NKIRAS1: variants seen among roughly 807,000 people sequenced by gnomAD.
NKIRAS1 encodes NFKB inhibitor interacting Ras like 1, also known as NF-kappa-B inhibitor-interacting Ras-like protein 1.
NKIRAS1 carries 16 observed loss-of-function variants against 19.8 expected under a neutral mutation model. That is an observed-to-expected ratio of 0.81 (90% CI 0.55 to 1.23). The LOEUF (loss-of-function observed/expected upper bound fraction) is 1.23. NKIRAS1 is among the 50% of genes most tolerant of loss of function. The probability of loss-of-function intolerance (pLI) is 0.00; values close to 1 mark genes in which losing one functional copy is unlikely to be tolerated. For missense variants in NKIRAS1, 184 were observed against 220.0 expected (o/e 0.84, Z 1.04); for synonymous variants, 88 against 79.0 (o/e 1.11, Z -0.61).
chr3:23,900,641 C>CAAAAAAA (rs57762803), intron 4 of NKIRAS1, among the ~76,000 whole-genome samples, 167 bp downstream of exon 4: 7 of 113,202 alleles, frequency 6.2e-5, no homozygotes, highest in East Asian at 2.8e-4. Flanking sequence ...GACTCCGTCT[C>CAAAAAAA]AAAAAAAAAA....
At chr3:23,919,027 C>T, upstream of NKIRAS1, 1 of 614,090 alleles carries the variant, frequency 1.6e-6, no homozygotes, top group East Asian at 2.7e-5. Flanking sequence ...AGCAAGTCTA[C>T]ATTATCTCAT....
rs1345311887 is a variant in NKIRAS1 at position 23,891,692 on chromosome 3, C to T, written c.*1403G>A. 1 of 152,114 alleles carries T rather than the reference C, an allele frequency of 6.6e-6. No homozygotes were observed. The highest frequency in any genetic ancestry group is 1.5e-5 in the Non-Finnish European group (1 of 68,022). 9.4% of individuals were successfully genotyped at this position (152,114 alleles called of 1,614,324 possible). Reference sequence around the variant, plus strand: ...CAGTTCTGTTTCTGTATGTCTCTTTCAGAGAAACTTATCTGGATACACATA... The same window carrying T: ...CAGTTCTGTTTCTGTATGTCTCTTTTAGAGAAACTTATCTGGATACACATA... On this transcript the variant is annotated 3_prime_UTR_variant, in exon 5 of 5. Transcript: ENST00000425478.
chr3:23,932,917 A>C (rs1705341864), intron 1 of NKIRAS1, among the ~76,000 whole-genome samples: 2 of 152,144 alleles, frequency 1.3e-5, no homozygotes, highest in South Asian at 4.1e-4. Flanking sequence ...TGGCCCCTCC[A>C]ATGATGTCCA....
chr3:23,918,681 TAA>T (rs1273819853), upstream of NKIRAS1: 17 of 1,338,572 alleles, frequency 1.3e-5, no homozygotes, highest in Non-Finnish European at 1.6e-5. Context: ...GTCTCGTATA[TAA>T]AACAGGGTTT....
chr3:23,929,177 C>T (rs971471142), intron 1 of NKIRAS1, among the ~76,000 whole-genome samples: 3 of 151,720 alleles, frequency 2.0e-5, no homozygotes, highest in Admixed American at 6.6e-5. Flanking sequence ...GCCCGGTCAA[C>T]GTGGTAAAAC....
upstream of NKIRAS1, chr3:23,919,285 C>T (rs1378153848): frequency 4.4e-6 from 7 of 1,609,000 alleles, no homozygotes; most frequent in Non-Finnish European, 5.9e-6. Flanking sequence ...TTGAGGTTAT[C>T]CTCATTGATC....
chr3:23,945,096 G>A (rs1047371792), intron 1 of NKIRAS1, among the ~76,000 whole-genome samples: 1 of 150,236 alleles, frequency 6.7e-6, no homozygotes, highest in Admixed American at 6.6e-5. Context: ...AAAAACGAAG[G>A]AAGAGGAGGG....
At position 23,890,714 on chromosome 3, in the gene NKIRAS1, A is replaced by G. The variant is rs1701392825; in HGVS notation, c.*2381T>C. 1.1e-6 allele frequency: 1 copy of G among 924,614 alleles called. No homozygotes were observed. The highest frequency in any genetic ancestry group is 1.6e-6 in the Non-Finnish European group (1 of 642,124). 57.3% of individuals were successfully genotyped at this position (924,614 alleles called of 1,614,324 possible). A position where few individuals can be genotyped will look rare whatever the true frequency, so the allele number is the denominator to read the frequency against. On this transcript the variant is annotated 3_prime_UTR_variant, in exon 5 of 5. Coordinates refer to ENST00000425478, the MANE Select transcript of NKIRAS1 (RefSeq NM_020345.4). The stretch of plus-strand genomic sequence containing the variant: ...AGTTGGTAAAGAGTAGGGTATTTCT[A>G]TAACAGATATTATTCAGTCTTATTT...
At chr3:23,909,064 C>T (rs1003047667) in intron 3 of NKIRAS1, among the ~76,000 whole-genome samples, 2 of 151,938 alleles carry the variant, frequency 1.3e-5, no homozygotes, top group Admixed American at 1.3e-4. Flanking sequence ...TGTTTGGGGT[C>T]CTCAGTAAGT....
intron 1 of NKIRAS1, chr3:23,923,110 T>G (rs1333031818): frequency 6.6e-6 from 1 of 152,196 alleles, no homozygotes; most frequent in Non-Finnish European, 1.5e-5. Context: ...GGCCTACATA[T>G]GTATTTTTTC....
Position 23,901,060 on chromosome 3 carries a change from G to C in NKIRAS1, c.95-11C>G, listed in dbSNP as rs1404962624. 1 of 1,611,552 alleles carries C rather than the reference G, an allele frequency of 6.2e-7. No homozygotes were observed. Among genetic ancestry groups the C allele is most frequent in the African/African-American group, 1.3e-5 (1 of 74,796 alleles). On this transcript the variant is annotated splice_polypyrimidine_tract_variant and intron_variant, in intron 3 of 4. Coordinates refer to ENST00000425478, the MANE Select transcript of NKIRAS1 (RefSeq NM_020345.4). ...CGCAATCTTCCATTCCTGGGATTAA[G>C]AAAACAAATTACTCTTTTTGGCTAA...
At chr3:23,897,185 A>G (rs1432962238) in intron 4 of NKIRAS1, among the ~76,000 whole-genome samples, 1 of 152,032 alleles carries the variant, frequency 6.6e-6, no homozygotes, top group Non-Finnish European at 1.5e-5. Flanking sequence ...TGGGCAACAG[A>G]GCAAGACCCT....
At chr3:23,904,937 G>C (rs1224332174) in intron 3 of NKIRAS1, among the ~76,000 whole-genome samples, 1 of 152,114 alleles carries the variant, frequency 6.6e-6, no homozygotes, top group Non-Finnish European at 1.5e-5. Flanking sequence ...TCATGCAATA[G>C]AATGTTACAT....
upstream of NKIRAS1, chr3:23,919,046 T>G (rs1398277201): frequency 2.6e-5 from 16 of 625,486 alleles, no homozygotes; most frequent in Non-Finnish European, 4.5e-5. Flanking sequence ...ATTACACTTG[T>G]GATAGTCTAG....
chr3:23,932,166 CA>C (rs1472707500), intron 1 of NKIRAS1, among the ~76,000 whole-genome samples: 3 of 152,056 alleles, frequency 2.0e-5, no homozygotes, highest in Admixed American at 2.0e-4. Flanking sequence ...CAGAGTTTGC[CA>C]GGGGTGTTTA....
rs751780259 is a variant in NKIRAS1, at chr3:23,910,933, A to C, written c.-17-12T>G. 6.4e-7 allele frequency: 1 copy of C among 1,570,292 alleles called. No homozygotes were observed. The stretch of plus-strand genomic sequence containing the variant: ...CTCTCAGGATATCACTGTGGAGAGA[A>C]TAACAGGTCTTTTAAATTGTATACT... On this transcript the variant is annotated splice_polypyrimidine_tract_variant and intron_variant, in intron 2 of 4. Transcript: ENST00000425478.
intron 3 of NKIRAS1, among the ~76,000 whole-genome samples, chr3:23,903,533 AAAAC>A (rs766064467): frequency 3.5e-4 from 54 of 152,350 alleles, no homozygotes; most frequent in Non-Finnish European, 5.4e-4. Flanking sequence ...AAAGAAAACA[AAAAC>A]AAACAAACAA....
At chr3:23,917,670 CTG>C (rs909913635), upstream of NKIRAS1, 36 of 601,312 alleles carry the variant, frequency 6.0e-5, no homozygotes, top group African/African-American at 5.1e-4. Context: ...GCGGAAGTGA[CTG>C]AACGCGGCTC....
rs189349741 is a variant in NKIRAS1 at position 23,909,269 on chromosome 3, C to G, written c.94+1542G>C. Among the ~76,000 whole-genome samples the G allele has an allele frequency of 4.3e-4, 65 of 152,298 alleles. 1 individual carries two copies. Among genetic ancestry groups the G allele is most frequent in the African/African-American group, 1.5e-3 (64 of 41,556 alleles). The stretch of plus-strand genomic sequence containing the variant: ...AGGCGCAGTGGCTCACGCCTGTAAT[C>G]CCAGCACTTTGGGAGGCCGAGGCGG... On this transcript the variant is annotated intron_variant, in intron 3 of 4. Coordinates refer to ENST00000425478, the MANE Select transcript of NKIRAS1 (RefSeq NM_020345.4).
Sources: allele counts gnomAD v4.1 joint callset (sites outside exome capture counted in the v4.1 genomes callset), GRCh38; gene constraint gnomAD v4.1.1; transcripts MANE v1.5; gene names NCBI Gene and HGNC (gene_info 2026-07-23, HGNC 2026-07-21).